Variants in XKR6 observed in about 807,000 individuals in gnomAD.
XKR6 encodes XK-related protein 6.
XKR6 carries 22 observed loss-of-function variants against 56.7 expected under a neutral mutation model. The ratio of observed to expected loss-of-function variants is 0.39; its 90% confidence interval spans 0.28 to 0.55. XKR6 has a LOEUF of 0.55. Ranked by LOEUF, XKR6 falls within the 20% of genes least tolerant of loss-of-function variation. The pLI, the probability that XKR6 is intolerant of heterozygous loss-of-function variation, is 0.66. For missense variants in XKR6, 852 were observed against 889.0 expected, an observed-to-expected ratio of 0.96 and a Z score of 0.53; for synonymous variants, 524 against 387.8, an observed-to-expected ratio of 1.35 and a Z score of -4.13.
At chr8:11,091,983 G>T (rs1049392962) in intron 1 of XKR6, among the ~76,000 whole-genome samples, 1 of 152,096 alleles carries the variant, frequency 6.6e-6, no homozygotes, top group African/African-American at 2.4e-5. Flanking sequence ...AAAACCCTGC[G>T]GTTCAGAATT....
intron 1 of XKR6, among the ~76,000 whole-genome samples, chr8:10,990,577 TTTG>T (rs202127566): frequency 6.6e-5 from 10 of 152,060 alleles, no homozygotes; most frequent in South Asian, 2.1e-4. Context: ...CTGGGGAATG[TTTG>T]TTGTTGTTGT....
intron 1 of XKR6, among the ~76,000 whole-genome samples, chr8:10,969,757 G>T (rs1802345618): frequency 6.6e-6 from 1 of 152,230 alleles, no homozygotes; most frequent in Admixed American, 6.5e-5. Flanking sequence ...GGAGGCTGCA[G>T]CCCTGCCCCT....
At chr8:11,163,568 G>A (rs1184481903) in intron 1 of XKR6, among the ~76,000 whole-genome samples, 1 of 152,088 alleles carries the variant, frequency 6.6e-6, no homozygotes, top group Non-Finnish European at 1.5e-5. Flanking sequence ...AAAGTCTAAG[G>A]GCAAACATTT....
intron 1 of XKR6, among the ~76,000 whole-genome samples, chr8:10,941,760 T>A (rs1412523243): frequency 6.6e-6 from 1 of 152,134 alleles, no homozygotes; most frequent in African/African-American, 2.4e-5. Flanking sequence ...GCTGGGGAGC[T>A]GAGACCCCCC....
intron 1 of XKR6, among the ~76,000 whole-genome samples, chr8:11,127,405 A>G (rs1799863593): frequency 6.6e-6 from 1 of 152,258 alleles, no homozygotes; most frequent in Non-Finnish European, 1.5e-5. Context: ...GTAACAAATT[A>G]CAATTACAAT....
intron 1 of XKR6, among the ~76,000 whole-genome samples, chr8:10,960,467 G>A (rs540907704): frequency 3.3e-5 from 5 of 152,322 alleles, no homozygotes; most frequent in Admixed American, 6.5e-5. Flanking sequence ...TAAGAGAGAC[G>A]GAAGCCTTTC....
At chr8:11,179,495 A>AT (rs145351924) in intron 1 of XKR6, among the ~76,000 whole-genome samples, 3,425 of 152,256 alleles carry the variant, frequency 0.022, 121 homozygotes, top group African/African-American at 0.079. Context: ...TACTTCCCTG[A>AT]TATGCACATG....
rs923559564 is a variant in XKR6 at position 11,000,658 on chromosome 8, C to G, written c.765-75828G>C. On this transcript the variant is annotated intron_variant, in intron 1 of 2. Coordinates refer to ENST00000416569, the MANE Select transcript of XKR6 (RefSeq NM_173683.4). ...CAAGATCGCACCACTGCACTCCAGT[C>G]TGGGCAAGAGAGCCAGACTCTATCT... Among the ~76,000 whole-genome samples the G allele has an allele frequency of 2.0e-5, 3 of 152,272 alleles. No homozygotes were observed. The South Asian group carries it at 6.2e-4, about 32-fold the overall frequency.
At chr8:11,001,836 G>T (rs944994370) in intron 1 of XKR6, among the ~76,000 whole-genome samples, 5 of 152,290 alleles carry the variant, frequency 3.3e-5, no homozygotes, top group African/African-American at 1.2e-4. Flanking sequence ...AGGGGCAAGC[G>T]GCACTGTGCT....
intron 1 of XKR6, among the ~76,000 whole-genome samples, chr8:10,994,544 C>T (rs571083400): frequency 2.0e-5 from 3 of 152,348 alleles, no homozygotes; most frequent in African/African-American, 4.8e-5. Context: ...GTCACATCTG[C>T]TCTAAGAATC....
intron 2 of XKR6, among the ~76,000 whole-genome samples, chr8:10,903,472 G>A (rs1267397491): frequency 1.3e-5 from 2 of 152,120 alleles, no homozygotes; most frequent in South Asian, 2.1e-4. Flanking sequence ...TTTTCTTATT[G>A]AGAAGGGCCT....
chr8:11,143,218 C>T lies in XKR6; in HGVS notation c.764+57358G>A, dbSNP rs147310324. Among the ~76,000 whole-genome samples, 80 of 152,238 alleles carry T rather than the reference C, an allele frequency of 5.3e-4. 1 individual carries two copies. The East Asian group carries it at 0.012, about 23-fold the overall frequency. On this transcript the variant is annotated intron_variant, in intron 1 of 2. Transcript: ENST00000416569. ...AAAGAAAGAAAGAGTGAAAACCAGA[C>T]GATACACATTCTGATAAAAAACAAA...
At chr8:11,197,731 C>T (rs149090608) in intron 1 of XKR6, among the ~76,000 whole-genome samples, 2 of 152,306 alleles carry the variant, frequency 1.3e-5, no homozygotes, top group Non-Finnish European at 2.9e-5. Flanking sequence ...AATTTCAGCC[C>T]AGCCAAAATA....
intron 1 of XKR6, among the ~76,000 whole-genome samples, chr8:10,984,412 T>C (rs1187917534): frequency 6.6e-6 from 1 of 152,148 alleles, no homozygotes; most frequent in Middle Eastern, 3.2e-3. Context: ...TCAATACAGA[T>C]TTTTAGCATT....
intron 1 of XKR6, among the ~76,000 whole-genome samples, chr8:11,014,467 G>A (rs1215695465): frequency 6.6e-6 from 1 of 152,126 alleles, no homozygotes; most frequent in African/African-American, 2.4e-5. Flanking sequence ...TACACAACAG[G>A]CCCTGCAAAC....
intron 1 of XKR6, among the ~76,000 whole-genome samples, chr8:11,110,902 T>A (rs188522184): frequency 0.015 from 2,208 of 151,948 alleles, 31 homozygotes; most frequent in Non-Finnish European, 0.02. Flanking sequence ...AGTGGTGCGA[T>A]CTCGGCTCAC....
chr8:11,049,657 A>G (rs1799495915), intron 1 of XKR6, among the ~76,000 whole-genome samples: 1 of 151,902 alleles, frequency 6.6e-6, no homozygotes, highest in African/African-American at 2.4e-5. Context: ...TGAGGTGCCC[A>G]CCTCCCCGTG....
chr8:11,131,337 T>C (rs1487936832), intron 1 of XKR6, among the ~76,000 whole-genome samples: 1 of 152,140 alleles, frequency 6.6e-6, no homozygotes, highest in Non-Finnish European at 1.5e-5. Flanking sequence ...TGTGTGAATT[T>C]AGGAACTGAA....
chr8:11,086,148 A>ATATATT (rs71203369), intron 1 of XKR6, among the ~76,000 whole-genome samples: 109 of 120,718 alleles, frequency 9.0e-4, no homozygotes, highest in Non-Finnish European at 1.2e-3. Flanking sequence ...ATATATATAT[A>ATATATT]TTTTTTTTTA....
Sources: allele counts gnomAD v4.1 joint callset (sites outside exome capture counted in the v4.1 genomes callset), GRCh38; gene constraint gnomAD v4.1.1; transcripts MANE v1.5; gene names NCBI Gene and HGNC (gene_info 2026-07-23, HGNC 2026-07-21).